Variants in SH3PXD2B observed in about 807,000 individuals in gnomAD.
SH3PXD2B encodes SH3 and PX domains 2B, also known as SH3 and PX domain-containing protein 2B.
Under a neutral mutation model 73.1 loss-of-function variants are expected in SH3PXD2B, and 37 were observed. That is an observed-to-expected ratio of 0.51 (90% CI 0.39 to 0.67). SH3PXD2B has a LOEUF of 0.67. Ranked by LOEUF, SH3PXD2B falls within the 30% of genes least tolerant of loss-of-function variation. The probability of loss-of-function intolerance (pLI) is 0.00; values close to 1 mark genes in which losing one functional copy is unlikely to be tolerated. For synonymous variants in SH3PXD2B, 457 were observed against 480.5 expected (o/e 0.95, Z 0.64); for missense variants, 1,053 against 1,197.8 (o/e 0.88, Z 1.78).
At chr5:172,410,803 T>C (rs2060225) in intron 2 of SH3PXD2B, among the ~76,000 whole-genome samples, 62,637 of 152,050 alleles carry the variant, frequency 0.41, 13,840 homozygotes, top group East Asian at 0.67. Context: ...CATATACGAT[T>C]TCATGTGACC....
rs148795571 is a variant in SH3PXD2B, at chr5:172,372,824, G to T, written c.427+966C>A. On this transcript the variant is annotated intron_variant, in intron 6 of 12. Transcript: ENST00000311601. Reference sequence around the variant, plus strand: ...CCTCATCAACCCCTTCAAACCTCCTGGCACCCTAGGAAATTAAAGAGCGCT... The same window carrying T: ...CCTCATCAACCCCTTCAAACCTCCTTGCACCCTAGGAAATTAAAGAGCGCT... Among the ~76,000 whole-genome samples, 8 of 152,138 alleles carry T rather than the reference G, an allele frequency of 5.3e-5. 1 individual carries two copies. In the East Asian group the frequency reaches 1.6e-3, roughly 29 times the overall value.
chr5:172,370,509 C>A (rs1017784657), intron 6 of SH3PXD2B, among the ~76,000 whole-genome samples: 3 of 152,190 alleles, frequency 2.0e-5, no homozygotes, highest in African/African-American at 7.2e-5. Flanking sequence ...GGAGAGCGCT[C>A]TGGGCTGTGA....
At chr5:172,381,958 G>T in intron 5 of SH3PXD2B, 78 bp downstream of exon 5, 1 of 1,162,254 alleles carries the variant, frequency 8.6e-7, no homozygotes, top group Non-Finnish European at 1.3e-6. Context: ...GCTGCACTTT[G>T]CTTTACTTGG....
Position 172,339,854 on chromosome 5 carries a change from G to A in SH3PXD2B, c.1251C>T (p.Ala417=). 1 of 1,614,242 alleles carries A rather than the reference G, an allele frequency of 6.2e-7. No homozygotes were observed. Among genetic ancestry groups the A allele is most frequent in the Non-Finnish European group, 8.5e-7 (1 of 1,180,040 alleles). ...TGTACTTGTCAATGAAGGTGGCCGG[G>A]GCCCACCCTTCCTTATCTTCAATCT... is the stretch of plus-strand genomic sequence containing the variant. ...YIQIEDKEGW[A]PATFIDKYKK... is the part of the protein sequence containing the mutation. Residue 417 remains alanine (A), a synonymous_variant, in exon 13 of 13, where the codon GCC becomes GCT. Transcript: ENST00000311601. This position sits in a 1 kb window ranked among gnomAD's most constrained non-coding sequence, Gnocchi z 6.1.
rs1221789004 is a variant in SH3PXD2B, at chr5:172,350,441, T to C, written c.934A>G (p.Arg312Gly). The C allele has an allele frequency of 1.2e-6, 2 of 1,613,996 alleles. No individual in the cohort carries two copies. The highest frequency in any genetic ancestry group is 2.2e-5 in the South Asian group (2 of 91,074). ...GVSRQQNAVG[R>G]EKELLSSQRD... is the part of the protein sequence containing the mutation. ...TGGCTGCTGAGCAGCTCCTTCTCCC[T>C]GCCCACCGCGTTCTGCTGCCGGGAA... is the stretch of plus-strand genomic sequence containing the variant. Residue 312 changes from arginine to glycine, a missense_variant, in exon 10 of 13, where the codon AGG (arginine) becomes GGG (glycine). By Grantham distance (125) the Arg-to-Gly change is moderately radical. Around this residue, in one of 2 missense-constraint regions of SH3PXD2B, gnomAD observed 466 missense variants for 607.1 expected, o/e 0.77. Coordinates refer to ENST00000311601, the MANE Select transcript of SH3PXD2B (RefSeq NM_001017995.3).
In SH3PXD2B at chr5:172,368,596, TTA is replaced by T. The variant is rs560505606; in HGVS notation, c.427+5192_427+5193del. ...ATGTTATATATATATATAAAATATG[TTA>T]TATATATAATATATATGTTATATAT... On this transcript the variant is annotated intron_variant, in intron 6 of 12. Coordinates refer to ENST00000311601, the MANE Select transcript of SH3PXD2B (RefSeq NM_001017995.3). Among the ~76,000 whole-genome samples, 4 of 10,826 alleles carry T rather than the reference TTA, an allele frequency of 3.7e-4. 1 individual carries two copies. Among genetic ancestry groups the T allele is most frequent in the Admixed American group, 2.2e-3 (1 of 446 alleles). The allele number at this position is 10,826 out of a possible 152,430, so 7.1% of individuals were successfully genotyped here.
intron 1 of SH3PXD2B, among the ~76,000 whole-genome samples, chr5:172,449,845 ACATCC>A: frequency 6.6e-6 from 1 of 152,212 alleles, no homozygotes; most frequent in East Asian, 1.9e-4. Context: ...ACTGCTGGAA[ACATCC>A]TAACAGTTCC....
intron 1 of SH3PXD2B, among the ~76,000 whole-genome samples, chr5:172,439,677 TGCGCGCAC>T (rs1308523141): frequency 2.5e-5 from 3 of 121,682 alleles, no homozygotes; most frequent in Admixed American, 9.1e-5. Flanking sequence ...TGTGCGTGCG[TGCGCGCAC>T]GCGCGCGCAC....
chr5:172,431,658 C>T lies in SH3PXD2B; in HGVS notation c.76-9162G>A, dbSNP rs372570799. Among the ~76,000 whole-genome samples, 24 of 151,676 alleles carry T rather than the reference C, an allele frequency of 1.6e-4. No individual in the cohort carries two copies. The East Asian group carries it at 3.3e-3, about 21-fold the overall frequency. On this transcript the variant is annotated intron_variant, in intron 1 of 12. Transcript: ENST00000311601. ...TAATGATATCAACTGTATATAAATG[C>T]GTGTGGGTGTTTATATACACAGACA...
chr5:172,407,592 C>A (rs865866687), intron 2 of SH3PXD2B, among the ~76,000 whole-genome samples: 1 of 152,168 alleles, frequency 6.6e-6, no homozygotes, highest in Non-Finnish European at 1.5e-5. Flanking sequence ...GGAGAAAGTC[C>A]CAAGCCTTGT....
downstream of SH3PXD2B, among the ~76,000 whole-genome samples, chr5:172,332,877 G>A (rs1045295906): frequency 6.6e-6 from 1 of 151,612 alleles, no homozygotes; most frequent in Non-Finnish European, 1.5e-5. Flanking sequence ...AGATGGCTTG[G>A]GCAGTCTCTG....
At chr5:172,368,240 G>C (rs1757569887) in intron 6 of SH3PXD2B, among the ~76,000 whole-genome samples, 1 of 151,502 alleles carries the variant, frequency 6.6e-6, no homozygotes, top group African/African-American at 2.4e-5. Flanking sequence ...TTCCCTGCCT[G>C]CCTTGCACTG....
At chr5:172,426,685 G>C (rs10476029) in intron 1 of SH3PXD2B, among the ~76,000 whole-genome samples, 4,061 of 152,274 alleles carry the variant, frequency 0.027, 187 homozygotes, top group African/African-American at 0.093. Flanking sequence ...CAAGACGGAT[G>C]AGAACCAATT....
chr5:172,345,579 G>A (rs4868163), intron 12 of SH3PXD2B, among the ~76,000 whole-genome samples: 15,736 of 152,142 alleles, frequency 0.1, 1,016 homozygotes, highest in Non-Finnish European at 0.15. Flanking sequence ...CTTACTTACA[G>A]GTTTTCTTGC....
At chr5:172,363,580 C>A (rs1385858065) in intron 6 of SH3PXD2B, among the ~76,000 whole-genome samples, 3 of 152,078 alleles carry the variant, frequency 2.0e-5, no homozygotes, top group African/African-American at 4.8e-5. Flanking sequence ...GCTGGCAAGA[C>A]CTCCCTAAGG....
intron 1 of SH3PXD2B, among the ~76,000 whole-genome samples, chr5:172,434,007 A>G (rs1759312396): frequency 6.6e-6 from 1 of 152,194 alleles, no homozygotes; most frequent in Non-Finnish European, 1.5e-5. Flanking sequence ...CCAAGCAGTA[A>G]CAGCCAAGGG....
chr5:172,416,575 C>G (rs946579725), intron 2 of SH3PXD2B, among the ~76,000 whole-genome samples: 1 of 151,056 alleles, frequency 6.6e-6, no homozygotes, highest in African/African-American at 2.4e-5. Context: ...ATCCGCCCAC[C>G]TCGGCCTCCC....
chr5:172,379,223 TGAGAA>T (rs1438058312), intron 5 of SH3PXD2B, among the ~76,000 whole-genome samples: 3 of 149,448 alleles, frequency 2.0e-5, no homozygotes, highest in Non-Finnish European at 4.4e-5. Flanking sequence ...AGCGCCTTTA[TGAGAA>T]GACACAAAGG....
At position 172,334,025 on chromosome 5, in the gene SH3PXD2B, G is replaced by A; in HGVS notation, c.*4344C>T. 2.5e-6 allele frequency: 3 copies of A among 1,180,400 alleles called. No homozygotes were observed. Among genetic ancestry groups the A allele is most frequent in the Non-Finnish European group, 3.2e-6 (3 of 942,914 alleles). 73.1% of individuals were successfully genotyped at this position (1,180,400 alleles called of 1,614,324 possible). A position where few individuals can be genotyped will look rare whatever the true frequency, so the allele number is the denominator to read the frequency against. On this transcript the variant is annotated 3_prime_UTR_variant, in exon 13 of 13. Transcript: ENST00000311601. ...TTTTACATGAATAGGACATCTAAAA[G>A]TGAAGGCTACCGACTGTGGCACTGC...
Sources: allele counts gnomAD v4.1 joint callset (sites outside exome capture counted in the v4.1 genomes callset), GRCh38; gene constraint gnomAD v4.1.1; regional missense constraint gnomAD v4.1.1; non-coding constraint Gnocchi (gnomAD v3.1); transcripts MANE v1.5; gene names NCBI Gene and HGNC (gene_info 2026-07-23, HGNC 2026-07-21).